RALGAPA2: variants seen among roughly 807,000 people sequenced by gnomAD.
RALGAPA2 encodes ral GTPase-activating protein subunit alpha-2.
Under a neutral mutation model 230.4 loss-of-function variants are expected in RALGAPA2, and 139 were observed. That is an observed-to-expected ratio of 0.60 (90% CI 0.53 to 0.69). RALGAPA2 has a LOEUF of 0.69. Among genes scored for constraint, RALGAPA2 ranks in the 30% least tolerant of loss-of-function variants. The pLI is 0.00. For missense variants in RALGAPA2, 2,163 were observed against 2,276.0 expected (o/e 0.95, Z 1.01); for synonymous variants, 847 against 837.8 (o/e 1.01, Z -0.19).
intron 1 of RALGAPA2, among the ~76,000 whole-genome samples, chr20:20,682,461 A>T (rs2068553891): frequency 6.6e-6 from 1 of 152,156 alleles, no homozygotes; most frequent in South Asian, 2.1e-4. Flanking sequence ...TTCTGAAGCC[A>T]GCTTCACTCA....
At chr20:20,435,300 C>A (rs915023417) in intron 37 of RALGAPA2, among the ~76,000 whole-genome samples, 1 of 152,158 alleles carries the variant, frequency 6.6e-6, no homozygotes, top group Non-Finnish European at 1.5e-5. Context: ...AAGTCCATGA[C>A]GCAGAGGCAG....
chr20:20,533,395 G>T (rs1488347147), intron 26 of RALGAPA2, among the ~76,000 whole-genome samples: 5 of 151,992 alleles, frequency 3.3e-5, no homozygotes, highest in Admixed American at 1.3e-4. Context: ...ATCCTCCTTA[G>T]AAATAAAGAG....
intron 39 of RALGAPA2, among the ~76,000 whole-genome samples, chr20:20,395,906 C>A (rs1004176625): frequency 1.3e-5 from 2 of 152,250 alleles, no homozygotes; most frequent in Non-Finnish European, 2.9e-5. Context: ...CGGCAGCTCG[C>A]TCACTTGCTT....
chr20:20,458,824 A>ATATATATAGACC (rs2061221799), intron 37 of RALGAPA2, among the ~76,000 whole-genome samples: 11 of 3,508 alleles, frequency 3.1e-3, no homozygotes, highest in African/African-American at 3.7e-3. Context: ...ATATAGACCT[A>ATATATATAGACC]TATATATATA....
intron 10 of RALGAPA2, among the ~76,000 whole-genome samples, chr20:20,628,165 T>C (rs1173257531): frequency 3.9e-5 from 6 of 152,248 alleles, no homozygotes; most frequent in African/African-American, 4.8e-5. Flanking sequence ...TACACTGCTA[T>C]AGATTAGGTT....
chr20:20,608,181 A>T (rs2146262190), intron 14 of RALGAPA2, among the ~76,000 whole-genome samples: 1 of 152,286 alleles, frequency 6.6e-6, no homozygotes, highest in African/African-American at 2.4e-5. Context: ...TATTTTAAAA[A>T]CACCTTAACT....
intron 38 of RALGAPA2, among the ~76,000 whole-genome samples, chr20:20,401,629 A>T (rs184319281): frequency 2.0e-5 from 3 of 152,336 alleles, no homozygotes; most frequent in Admixed American, 2.0e-4. Flanking sequence ...AAGTTTCCCT[A>T]ATAATCAACA....
intron 36 of RALGAPA2, among the ~76,000 whole-genome samples, chr20:20,484,101 G>A (rs976194057): frequency 6.6e-6 from 1 of 152,112 alleles, no homozygotes; most frequent in African/African-American, 2.4e-5. Flanking sequence ...GAATTAAGAG[G>A]GTGTGTTTGT....
At chr20:20,482,040 C>T (rs970839990) in intron 36 of RALGAPA2, among the ~76,000 whole-genome samples, 7 of 152,082 alleles carry the variant, frequency 4.6e-5, no homozygotes, top group African/African-American at 1.4e-4. Context: ...TTTTATTTTC[C>T]TACATTCCTA....
chr20:20,614,416 A>T (rs1056210624), intron 13 of RALGAPA2, among the ~76,000 whole-genome samples: 4 of 152,242 alleles, frequency 2.6e-5, no homozygotes, highest in Non-Finnish European at 4.4e-5. Flanking sequence ...AAAAAACATT[A>T]AAAATGATGT....
At chr20:20,448,903 C>T (rs1412044637) in intron 37 of RALGAPA2, among the ~76,000 whole-genome samples, 2 of 151,332 alleles carry the variant, frequency 1.3e-5, no homozygotes, top group Non-Finnish European at 2.9e-5. Flanking sequence ...AATCTGCCTT[C>T]AAGTTACGAC....
At chr20:20,483,923 C>T (rs1386589793) in intron 36 of RALGAPA2, among the ~76,000 whole-genome samples, 1 of 152,134 alleles carries the variant, frequency 6.6e-6, no homozygotes, top group Non-Finnish European at 1.5e-5. Flanking sequence ...TGATCTTGTA[C>T]TCTAGTGATG....
chr20:20,502,988 A>G (rs1208963090), intron 35 of RALGAPA2, among the ~76,000 whole-genome samples: 1 of 152,224 alleles, frequency 6.6e-6, no homozygotes, highest in African/African-American at 2.4e-5. Flanking sequence ...AAGGGGCAAC[A>G]GTGGGGCGGC....
At position 20,442,603 on chromosome 20, in the gene RALGAPA2, C is replaced by T. The variant is rs777342767; in HGVS notation, c.5495+30226G>A. 2.8e-4 allele frequency among the ~76,000 whole-genome samples: 43 copies of T among 152,342 alleles called. No homozygotes were observed. In the South Asian group the frequency reaches 4.6e-3, roughly 16 times the overall value. ...TTGCTCCCTGATCATTTCTGATAAA[C>T]ACTTTGGCTTTGCCTTGGCATTTAT... On this transcript the variant is annotated intron_variant, in intron 37 of 39. Coordinates refer to ENST00000202677, the MANE Select transcript of RALGAPA2 (RefSeq NM_020343.4).
intron 1 of RALGAPA2, among the ~76,000 whole-genome samples, chr20:20,710,085 G>A (rs971370955): frequency 2.6e-5 from 4 of 152,160 alleles, no homozygotes; most frequent in African/African-American, 7.2e-5. Context: ...TACGTAACTA[G>A]CTCAAGTCAT....
chr20:20,495,235 G>T lies in RALGAPA2; in HGVS notation c.5249C>A (p.Ser1750Tyr). 1 of 1,581,140 alleles carries T rather than the reference G, an allele frequency of 6.3e-7. No individual in the cohort carries two copies. The highest frequency in any genetic ancestry group is 8.6e-7 in the Non-Finnish European group (1 of 1,157,458). The change falls in exon 36 of 40, where the codon TCT becomes TAT. Residue 1750 changes from serine to tyrosine, a missense_variant. Transcript: ENST00000202677. ...CCTGCGGTAGTCTCTGGAGTGTTCA[G>T]ACCAGACGATATGGACCTCGTCATT... ...LGNDEVHIVWSEHSRDYRRGI... is the reference protein window; with the variant it reads ...LGNDEVHIVWYEHSRDYRRGI...
chr20:20,449,945 G>T (rs2060951087), intron 37 of RALGAPA2, among the ~76,000 whole-genome samples: 1 of 152,206 alleles, frequency 6.6e-6, no homozygotes, highest in Admixed American at 6.5e-5. Flanking sequence ...CAATGGGGAT[G>T]CCCTGCTCTG....
intron 20 of RALGAPA2, among the ~76,000 whole-genome samples, chr20:20,574,938 T>C (rs954941622): frequency 6.6e-6 from 1 of 152,186 alleles, no homozygotes; most frequent in Non-Finnish European, 1.5e-5. Context: ...GGCATGGTGC[T>C]TGAGTAGGCC....
intron 3 of RALGAPA2, among the ~76,000 whole-genome samples, chr20:20,657,997 C>T (rs1479288465): frequency 1.3e-5 from 2 of 152,162 alleles, no homozygotes; most frequent in Non-Finnish European, 1.5e-5. Flanking sequence ...AAGAAAAACA[C>T]AGAATACAGC....
Sources: allele counts gnomAD v4.1 joint callset (sites outside exome capture counted in the v4.1 genomes callset), GRCh38; gene constraint gnomAD v4.1.1; transcripts MANE v1.5; gene names NCBI Gene and HGNC (gene_info 2026-07-23, HGNC 2026-07-21).